The following EPM2A variants were observed in gnomAD, a reference collection of about 807,000 sequenced individuals.
The protein encoded by EPM2A is EPM2A glucan phosphatase, laforin, also known as laforin.
A neutral mutation model predicts 26.5 loss-of-function variants in EPM2A; 21 were observed. The observed-to-expected ratio is 0.79, with a 90% CI of 0.56 to 1.14. The LOEUF (loss-of-function observed/expected upper bound fraction) is 1.14, where lower values mean the gene tolerates loss of function less well. EPM2A is among the 50% of genes most tolerant of loss of function. The pLI, the probability that EPM2A is intolerant of heterozygous loss-of-function variation, is 0.00. For missense variants in EPM2A, 458 were observed against 440.8 expected, an observed-to-expected ratio of 1.04 and a Z score of -0.35; for synonymous variants, 217 against 177.6, an observed-to-expected ratio of 1.22 and a Z score of -1.76.
intron 2 of EPM2A, among the ~76,000 whole-genome samples, chr6:145,561,973 G>A (rs939579443): frequency 2.0e-5 from 3 of 151,696 alleles, no homozygotes; most frequent in Middle Eastern, 3.4e-3. Flanking sequence ...CCTAGATGAC[G>A]GGTTGATAGG....
chr6:145,477,216 C>G (rs548292729), intron 4 of EPM2A, among the ~76,000 whole-genome samples: 1 of 151,702 alleles, frequency 6.6e-6, no homozygotes, highest in Non-Finnish European at 1.5e-5. Flanking sequence ...TGCAACCTAC[C>G]AAGATTGAAC....
At chr6:145,569,439 C>A (rs951520220) in intron 2 of EPM2A, among the ~76,000 whole-genome samples, 1 of 152,166 alleles carries the variant, frequency 6.6e-6, no homozygotes, top group East Asian at 1.9e-4. Flanking sequence ...CCAGAAAATT[C>A]ATGAGACCTC....
chr6:145,472,831 G>A (rs1779493980), intron 4 of EPM2A, among the ~76,000 whole-genome samples: 5 of 152,178 alleles, frequency 3.3e-5, no homozygotes, highest in Admixed American at 3.3e-4. Flanking sequence ...GAACCACAGT[G>A]TTACTGGGTT....
At chr6:145,578,590 C>T (rs1781068703) in intron 2 of EPM2A, among the ~76,000 whole-genome samples, 1 of 152,174 alleles carries the variant, frequency 6.6e-6, no homozygotes. Context: ...TATGGGTTCA[C>T]CTGTTGAATT....
At chr6:145,384,212 T>C (rs190365920) in intron 4 of EPM2A, 1 of 152,214 alleles carries the variant, frequency 6.6e-6, no homozygotes, top group Non-Finnish European at 1.5e-5. Context: ...TAAGGGAAAA[T>C]TGCAAGTCCC....
chr6:145,679,683 A>T (rs1051507173), intron 2 of EPM2A, among the ~76,000 whole-genome samples: 1 of 152,136 alleles, frequency 6.6e-6, no homozygotes, highest in Admixed American at 6.6e-5. Context: ...TCATCATGGA[A>T]TTTCACACTA....
chr6:145,603,852 A>G (rs1027428542), intron 2 of EPM2A, among the ~76,000 whole-genome samples: 5 of 152,206 alleles, frequency 3.3e-5, no homozygotes, highest in Non-Finnish European at 5.9e-5. Context: ...TGGCTTACTT[A>G]ACTTCTTTGA....
chr6:145,415,459 T>C, intron 4 of EPM2A, among the ~76,000 whole-genome samples: 1 of 152,322 alleles, frequency 6.6e-6, no homozygotes, highest in African/African-American at 2.4e-5. Flanking sequence ...GCACATAGGA[T>C]AGCCTTTGAA....
chr6:145,637,952 G>C (rs941172953), intron 2 of EPM2A: 6 of 152,192 alleles, frequency 3.9e-5, no homozygotes. Context: ...GGGTTCAACT[G>C]AGCACACTAA....
At chr6:145,624,839 C>T (rs868753739), downstream of EPM2A, among the ~76,000 whole-genome samples, 7 of 152,076 alleles carry the variant, frequency 4.6e-5, no homozygotes, top group African/African-American at 1.4e-4. Flanking sequence ...TGATTTTTAC[C>T]ACACCTTAAT....
At chr6:145,512,776 A>T (rs1780073685) in intron 2 of EPM2A, among the ~76,000 whole-genome samples, 1 of 151,356 alleles carries the variant, frequency 6.6e-6, no homozygotes, top group East Asian at 1.9e-4. Context: ...CTTAAAACCA[A>T]CTGATCTTCA....
chr6:145,608,707 T>C (rs559141035), intron 2 of EPM2A, among the ~76,000 whole-genome samples: 18 of 152,090 alleles, frequency 1.2e-4, no homozygotes, highest in Non-Finnish European at 2.4e-4. Context: ...CAAAGAGCCA[T>C]ACACTGTGCT....
chr6:145,437,327 C>A (rs1779002632), intron 4 of EPM2A, among the ~76,000 whole-genome samples: 3 of 152,142 alleles, frequency 2.0e-5, no homozygotes, highest in Admixed American at 2.0e-4. Flanking sequence ...GTTAAGCCTG[C>A]AGAACCATGA....
At chr6:145,480,448 T>A (rs1206161215) in intron 4 of EPM2A, among the ~76,000 whole-genome samples, 1 of 152,076 alleles carries the variant, frequency 6.6e-6, no homozygotes, top group Non-Finnish European at 1.5e-5. Flanking sequence ...GAGATTTGGG[T>A]AGGAACACAA....
chr6:145,554,755 A>T (rs1420160608), intron 2 of EPM2A, among the ~76,000 whole-genome samples: 1 of 152,036 alleles, frequency 6.6e-6, no homozygotes, highest in African/African-American at 2.4e-5. Context: ...TCTAATCCTA[A>T]TTACCTTCCT....
At chr6:145,466,404 A>C (rs1297000085) in intron 4 of EPM2A, among the ~76,000 whole-genome samples, 1 of 152,228 alleles carries the variant, frequency 6.6e-6, no homozygotes, top group Non-Finnish European at 1.5e-5. Context: ...GCTCATCATC[A>C]CTGGCCATCA....
chr6:145,580,269 C>T (rs1781094084), intron 2 of EPM2A, among the ~76,000 whole-genome samples: 1 of 151,874 alleles, frequency 6.6e-6, no homozygotes, highest in South Asian at 2.1e-4. Flanking sequence ...TTCTTTTACA[C>T]AAAACAAGCA....
intron 2 of EPM2A, among the ~76,000 whole-genome samples, chr6:145,684,585 C>A (rs1488470693): frequency 6.6e-6 from 1 of 152,168 alleles, no homozygotes; most frequent in Non-Finnish European, 1.5e-5. Context: ...ACTATTGTCT[C>A]ATCTAGACTC....
chr6:145,637,253 G>C (rs1462727920), intron 2 of EPM2A: 1 of 152,186 alleles, frequency 6.6e-6, no homozygotes, highest in Non-Finnish European at 1.5e-5. Flanking sequence ...GAATGCTACA[G>C]AGTAGAAGAT....
Sources: allele counts gnomAD v4.1 joint callset (sites outside exome capture counted in the v4.1 genomes callset), GRCh38; gene constraint gnomAD v4.1.1; transcripts MANE v1.5; gene names NCBI Gene and HGNC (gene_info 2026-07-23, HGNC 2026-07-21).